Variants in PKHD1 observed in about 807,000 individuals in gnomAD.
PKHD1 encodes fibrocystin.
A neutral mutation model predicts 412.0 loss-of-function variants in PKHD1; 291 were observed. The ratio of observed to expected loss-of-function variants is 0.71; its 90% CI spans 0.64 to 0.78. The LOEUF (loss-of-function observed/expected upper bound fraction) is 0.78. Among genes scored for constraint, PKHD1 ranks in the 30% least tolerant of loss-of-function variants. The probability of loss-of-function intolerance (pLI) is 0.00; values close to 1 mark genes in which losing one functional copy is unlikely to be tolerated. For missense variants in PKHD1, 4,825 were observed against 4,950.7 expected (o/e 0.97, Z 0.76); for synonymous variants, 1,777 against 1,821.5 (o/e 0.98, Z 0.62).
At position 51,791,165 on chromosome 6, in the gene PKHD1, T is replaced by C. The variant is rs80047024; in HGVS notation, c.8440+71A>G. Reference sequence around the variant, plus strand: ...TTAAGCAACCTGCTTGATGATACCATCTGTTTCCCAGAGCCCCTTCTCACA... The same window carrying C: ...TTAAGCAACCTGCTTGATGATACCACCTGTTTCCCAGAGCCCCTTCTCACA... On this transcript the variant is annotated intron_variant, in intron 53 of 66. Coordinates refer to ENST00000371117, the MANE Select transcript of PKHD1 (RefSeq NM_138694.4). 0.016 allele frequency: 23,446 copies of C among 1,464,784 alleles called. 265 individuals are homozygous for C. Among genetic ancestry groups the C allele is most frequent in the Non-Finnish European group, 0.019 (19,721 of 1,044,400 alleles). 90.7% of individuals were successfully genotyped at this position (1,464,784 alleles called of 1,614,324 possible). A position where few individuals can be genotyped will look rare whatever the true frequency, so the allele number is the denominator to read the frequency against.
At chr6:51,675,213 T>C (rs897111947) in intron 60 of PKHD1, among the ~76,000 whole-genome samples, 2 of 152,146 alleles carry the variant, frequency 1.3e-5, no homozygotes, top group Non-Finnish European at 2.9e-5. Context: ...ACTTCAGAGC[T>C]CAATCCTCAG....
intron 60 of PKHD1, among the ~76,000 whole-genome samples, chr6:51,709,160 A>T (rs1027185996): frequency 1.3e-5 from 2 of 152,202 alleles, no homozygotes; most frequent in African/African-American, 2.4e-5. Context: ...TCTCATTTTC[A>T]CACTAGACTA....
At chr6:52,085,041 A>G (rs1812559228) in intron 1 of PKHD1, 24 bp from the exon 2 acceptor site, 2 of 808,110 alleles carry the variant, frequency 2.5e-6, no homozygotes, top group South Asian at 2.8e-5. Context: ...AAAAAAGCAA[A>G]AAAAAATTAT....
At chr6:51,690,116 A>T (rs1437047543) in intron 60 of PKHD1, among the ~76,000 whole-genome samples, 1 of 151,898 alleles carries the variant, frequency 6.6e-6, no homozygotes, top group Non-Finnish European at 1.5e-5. Context: ...TACTAAAAAT[A>T]CAAAAATTAG....
chr6:52,045,382 A>G (rs1390265213), intron 24 of PKHD1, among the ~76,000 whole-genome samples: 1 of 152,218 alleles, frequency 6.6e-6, no homozygotes, highest in Non-Finnish European at 1.5e-5. Flanking sequence ...TCCATTTTAT[A>G]TGTTTGCAAT....
At chr6:52,086,105 A>AC (rs1562313555) in intron 1 of PKHD1, among the ~76,000 whole-genome samples, 2 of 146,056 alleles carry the variant, frequency 1.4e-5, no homozygotes, top group Non-Finnish European at 3.0e-5. Flanking sequence ...CACACACACA[A>AC]AGTGTGTGTG....
rs776060304 is a variant in PKHD1, at chr6:51,903,693, G to A, written c.6900C>T (p.Asn2300=). ...WSGHGNIIRN[N]VIIQVSGAEG... ...CGGCACCAGAAACCTGGATGATCAC[G>A]TTGTTTCTTATTATATTTCCATGTC... Residue 2300 remains asparagine, a synonymous_variant, in exon 43 of 67, where the codon AAC becomes AAT. Coordinates refer to ENST00000371117, the MANE Select transcript of PKHD1 (RefSeq NM_138694.4). 38 of 1,610,438 alleles carry A rather than the reference G, an allele frequency of 2.4e-5. No individual in the cohort carries two copies. Among genetic ancestry groups the A allele is most frequent in the Non-Finnish European group, 2.9e-5 (34 of 1,177,222 alleles).
At chr6:51,739,488 C>T (rs138156667) in intron 60 of PKHD1, among the ~76,000 whole-genome samples, 472 of 152,258 alleles carry the variant, frequency 3.1e-3, no homozygotes, top group Non-Finnish European at 5.7e-3. Flanking sequence ...GCCTCAGCCT[C>T]CCAAAGTGCT....
intron 60 of PKHD1, among the ~76,000 whole-genome samples, chr6:51,711,321 C>A (rs1170153442): frequency 6.6e-6 from 1 of 152,172 alleles, no homozygotes; most frequent in African/African-American, 2.4e-5. Context: ...TTCCCTGGAA[C>A]CATCTCCCAA....
intron 21 of PKHD1, 40 bp from the exon 22 acceptor site, chr6:52,050,335 A>T: frequency 6.2e-7 from 1 of 1,608,818 alleles, no homozygotes; most frequent in Non-Finnish European, 8.5e-7. Flanking sequence ...GTGACTTAAG[A>T]TGGTAGACTT....
At chr6:51,954,953 G>C (rs149630128) in intron 36 of PKHD1, among the ~76,000 whole-genome samples, 2 of 152,016 alleles carry the variant, frequency 1.3e-5, no homozygotes, top group Non-Finnish European at 2.9e-5. Context: ...ATCCTTGCCC[G>C]GGATGCAGAA....
At chr6:51,673,286 A>T (rs1775292054) in intron 60 of PKHD1, among the ~76,000 whole-genome samples, 1 of 152,204 alleles carries the variant, frequency 6.6e-6, no homozygotes, top group African/African-American at 2.4e-5. Context: ...AAAGCAAAAT[A>T]TGTATCCATA....
Position 51,806,178 on chromosome 6 carries a change from C to A in PKHD1, c.8303-14805G>T, listed in dbSNP as rs868336205. On this transcript the variant is annotated intron_variant, in intron 52 of 66. Coordinates refer to ENST00000371117, the MANE Select transcript of PKHD1 (RefSeq NM_138694.4). ...ACATGGCACATGTATACATATGTAA[C>A]TAACCTGCACATTGTGCACATGTAC... is the stretch of plus-strand genomic sequence containing the variant. Among the ~76,000 whole-genome samples, 8 of 151,800 alleles carry A rather than the reference C, an allele frequency of 5.3e-5. No individual in the cohort carries two copies. In the South Asian group the frequency reaches 8.3e-4, roughly 16 times the overall value.
intron 60 of PKHD1, among the ~76,000 whole-genome samples, chr6:51,703,025 GAC>G (rs2150714990): frequency 6.6e-6 from 1 of 151,376 alleles, no homozygotes; most frequent in African/African-American, 2.4e-5. Context: ...AAGAGGAAAA[GAC>G]AAATAGACAA....
intron 52 of PKHD1, among the ~76,000 whole-genome samples, chr6:51,814,291 G>A (rs1765125790): frequency 1.3e-5 from 2 of 152,178 alleles, no homozygotes; most frequent in Admixed American, 1.3e-4. Context: ...GATTCTCTCA[G>A]TCACAGATAA....
intron 24 of PKHD1, 66 bp downstream of exon 24, chr6:52,045,938 T>A: frequency 3.0e-6 from 2 of 674,400 alleles, no homozygotes; most frequent in Non-Finnish European, 4.7e-6. Flanking sequence ...ATAATTCTGA[T>A]TTTTTTTTTT....
At chr6:51,766,586 C>A (rs1789058314) in intron 55 of PKHD1, among the ~76,000 whole-genome samples, 1 of 148,066 alleles carries the variant, frequency 6.8e-6, no homozygotes, top group African/African-American at 2.5e-5. Flanking sequence ...ATATTCAAAC[C>A]CTTTCACAAA....
intron 34 of PKHD1, among the ~76,000 whole-genome samples, chr6:52,013,993 A>G (rs973717435): frequency 2.0e-5 from 3 of 152,216 alleles, no homozygotes; most frequent in African/African-American, 7.2e-5. Context: ...CTGCATCAGA[A>G]GCCTTGAGTT....
At chr6:51,641,990 C>A (rs1769425830) in intron 63 of PKHD1, among the ~76,000 whole-genome samples, 1 of 151,990 alleles carries the variant, frequency 6.6e-6, no homozygotes, top group African/African-American at 2.4e-5. Context: ...CACATGTATA[C>A]CTATGTAACA....
Sources: allele counts gnomAD v4.1 joint callset (sites outside exome capture counted in the v4.1 genomes callset), GRCh38; gene constraint gnomAD v4.1.1; transcripts MANE v1.5; gene names NCBI Gene and HGNC (gene_info 2026-07-23, HGNC 2026-07-21).